PANK1: variants seen among roughly 807,000 people sequenced by gnomAD.
The protein encoded by PANK1 is pantothenate kinase 1, also known as pantothenic acid kinase 1.
Under a neutral mutation model 40.1 loss-of-function variants are expected in PANK1, and 18 were observed. The ratio of observed to expected loss-of-function variants is 0.45; its 90% confidence interval spans 0.31 to 0.67. The LOEUF (loss-of-function observed/expected upper bound fraction) is 0.67, where lower values mean the gene tolerates loss of function less well. Among genes scored for constraint, PANK1 ranks in the 30% least tolerant of loss-of-function variants. PANK1 has a pLI of 0.06. For synonymous variants in PANK1, 242 were observed against 237.7 expected (o/e 1.02, Z -0.17); for missense variants, 457 against 599.6 (o/e 0.76, Z 2.48).
rs930942262 is a variant in PANK1, at chr10:89,593,226, A to C, written c.1171T>G (p.Ser391Ala). Residue 391 changes from serine (S) to alanine (A), a missense_variant, in exon 5 of 7, where the codon TCC becomes GCC. Transcript: ENST00000307534. ...TLVTITNNIGSIARMCALNEN... is the reference protein window; with the variant it reads ...TLVTITNNIGAIARMCALNEN... Reference sequence around the variant, plus strand: ...TTCAACGCGCACATCCGAGCAATGGAGCCAATGTTGTTGGTGATGGTGACC... The same window carrying C: ...TTCAACGCGCACATCCGAGCAATGGCGCCAATGTTGTTGGTGATGGTGACC... 7.4e-6 allele frequency: 12 copies of C among 1,613,720 alleles called. No individual in the cohort carries two copies. Among genetic ancestry groups the C allele is most frequent in the Non-Finnish European group, 1.0e-5 (12 of 1,179,778 alleles).
rs761995392 is a variant in PANK1 at position 89,644,628 on chromosome 10, C to T, written c.264G>A (p.Arg88=). Residue 88 remains arginine, a synonymous_variant, in exon 1 of 7, where the codon AGG becomes AGA. Transcript: ENST00000307534. The stretch of plus-strand genomic sequence containing the variant: ...GCCTGTTCTTTCTCCCCGAGTCCAT[C>T]CTCCTCCGCAGCCGGCATTTCTTGG... ...SPAKKCRLRR[R]MDSGRKNRPP... is the part of the protein sequence containing the mutation. The T allele has an allele frequency of 5.7e-6, 9 of 1,588,018 alleles. No individual in the cohort carries two copies. Among genetic ancestry groups the T allele is most frequent in the Non-Finnish European group, 7.7e-6 (9 of 1,172,428 alleles).
At chr10:89,591,937 G>A (rs1844403906) in intron 5 of PANK1, among the ~76,000 whole-genome samples, 3 of 152,166 alleles carry the variant, frequency 2.0e-5, no homozygotes, top group Non-Finnish European at 4.4e-5. Flanking sequence ...TGCTCTGTGG[G>A]GCAAGGGTTG....
chr10:89,631,826 A>G (rs543386806), intron 1 of PANK1, among the ~76,000 whole-genome samples: 49 of 152,346 alleles, frequency 3.2e-4, no homozygotes, highest in Non-Finnish European at 5.9e-4. Context: ...GTTTTCAATT[A>G]TCCACCTACA....
At chr10:89,604,827 T>G (rs1844898564) in intron 2 of PANK1, among the ~76,000 whole-genome samples, 1 of 151,942 alleles carries the variant, frequency 6.6e-6, no homozygotes, top group Admixed American at 6.6e-5. Flanking sequence ...CTCGGCTCGC[T>G]GCAAGCTCCG....
chr10:89,587,890 C>T (rs1382042350), intron 6 of PANK1, among the ~76,000 whole-genome samples: 2 of 152,060 alleles, frequency 1.3e-5, no homozygotes, highest in African/African-American at 4.8e-5. Flanking sequence ...ATAATTAAAG[C>T]AAGCTAATTA....
At chr10:89,593,487 G>A (rs952393214) in intron 4 of PANK1, among the ~76,000 whole-genome samples, 167 bp from the exon 5 acceptor site, 10 of 151,756 alleles carry the variant, frequency 6.6e-5, no homozygotes, top group Middle Eastern at 6.8e-3. Context: ...ATGGCTGACC[G>A]CCCTTTTCTT....
At chr10:89,622,812 G>A (rs1845530621) in intron 1 of PANK1, among the ~76,000 whole-genome samples, 1 of 151,750 alleles carries the variant, frequency 6.6e-6, no homozygotes, top group South Asian at 2.1e-4. Flanking sequence ...AATCTAGCCT[G>A]GGTGACAGAG....
rs191076840 is a variant in PANK1, at chr10:89,584,505, C to G, written c.1327-40G>C. 8.7e-5 allele frequency: 113 copies of G among 1,300,134 alleles called. No individual in the cohort carries two copies. The African/African-American group carries it at 1.5e-3, about 18-fold the overall frequency. 80.5% of individuals were successfully genotyped at this position (1,300,134 alleles called of 1,614,324 possible). A position where few individuals can be genotyped will look rare whatever the true frequency, so the allele number is the denominator to read the frequency against. On this transcript the variant is annotated intron_variant, in intron 6 of 6. Transcript: ENST00000307534. Reference sequence around the variant, plus strand: ...CAAAACGATGATCTCTGAACCTTAGCCAAATATGTATTGTTTTTAATAATT... The same window carrying G: ...CAAAACGATGATCTCTGAACCTTAGGCAAATATGTATTGTTTTTAATAATT...
intron 1 of PANK1, among the ~76,000 whole-genome samples, chr10:89,632,614 A>C (rs1393971930): frequency 6.6e-6 from 1 of 152,242 alleles, no homozygotes; most frequent in Non-Finnish European, 1.5e-5. Context: ...CAAATTTATA[A>C]TTTTCCCATG....
At chr10:89,630,463 T>C (rs1841602499) in intron 1 of PANK1, among the ~76,000 whole-genome samples, 1 of 151,802 alleles carries the variant, frequency 6.6e-6, no homozygotes, top group Non-Finnish European at 1.5e-5. Flanking sequence ...GAGAACTCCC[T>C]CAAACATTAG....
At chr10:89,610,046 A>C (rs1198914429) in intron 2 of PANK1, among the ~76,000 whole-genome samples, 1 of 152,194 alleles carries the variant, frequency 6.6e-6, no homozygotes, top group East Asian at 1.9e-4. Context: ...TCTGAATCAG[A>C]ATTGAGTCCA....
Position 89,595,834 on chromosome 10 carries a change from ATATATATATATAT to A in PANK1, c.900-1858_900-1846del, listed in dbSNP as rs1390939272. Among the ~76,000 whole-genome samples the A allele has an allele frequency of 1.1e-3, 49 of 44,232 alleles. 3 individuals carry two copies. The highest frequency in any genetic ancestry group is 0.013 in the Middle Eastern group (1 of 78). The allele number at this position is 44,232 out of a possible 152,430, so 29.0% of individuals were successfully genotyped here. A position where few individuals can be genotyped will look rare whatever the true frequency, so the allele number is the denominator to read the frequency against. On this transcript the variant is annotated intron_variant, in intron 3 of 6. Transcript: ENST00000307534. ...TCCATCTTAAAAAAAAAAAAAAAAA[ATATATATATATAT>A]ATATATATATATATATATATATATA...
intron 1 of PANK1, among the ~76,000 whole-genome samples, chr10:89,614,421 G>C (rs1845256108): frequency 6.6e-6 from 1 of 152,122 alleles, no homozygotes; most frequent in Non-Finnish European, 1.5e-5. Context: ...AGGCAAATTG[G>C]AAACAAGATG....
intron 5 of PANK1, chr10:89,592,905 T>G: frequency 3.8e-6 from 2 of 528,140 alleles, no homozygotes; most frequent in Non-Finnish European, 7.4e-6. Flanking sequence ...CACATTTCAG[T>G]GGACACATGG....
chr10:89,619,294 C>T (rs1206380447), intron 1 of PANK1, among the ~76,000 whole-genome samples: 1 of 152,118 alleles, frequency 6.6e-6, no homozygotes, highest in African/African-American at 2.4e-5. Context: ...TTCTAGAATA[C>T]TCTCTGGGGG....
chr10:89,593,323 A>T lies in PANK1; in HGVS notation c.1077-3T>A, dbSNP rs764740626. 9 of 1,613,246 alleles carry T rather than the reference A, an allele frequency of 5.6e-6. No homozygotes were observed. The highest frequency in any genetic ancestry group is 6.8e-6 in the Non-Finnish European group (8 of 1,179,650). On this transcript the variant is annotated splice_region_variant and splice_polypyrimidine_tract_variant and intron_variant, in intron 4 of 6. Coordinates refer to ENST00000307534, the MANE Select transcript of PANK1 (RefSeq NM_148977.3). ...CTTTACTCATCATGTTGCCAAAGCT[A>T]TGTTGGAAATATCAGCGAGAGTGTT...
intron 3 of PANK1, among the ~76,000 whole-genome samples, chr10:89,596,838 A>G (rs772483927): frequency 1.5e-4 from 23 of 152,188 alleles, no homozygotes; most frequent in Non-Finnish European, 3.2e-4. Flanking sequence ...ATGTACTGCT[A>G]CTTTCACCAA....
intron 1 of PANK1, among the ~76,000 whole-genome samples, chr10:89,621,433 G>T (rs1845483035): frequency 6.6e-6 from 1 of 152,080 alleles, no homozygotes. Context: ...AAAATTATTT[G>T]ATAATATATT....
intron 1 of PANK1, among the ~76,000 whole-genome samples, chr10:89,613,201 TAG>T (rs1458550342): frequency 6.6e-6 from 1 of 152,228 alleles, no homozygotes; most frequent in Non-Finnish European, 1.5e-5. Flanking sequence ...ACCCAAAGGT[TAG>T]AGTCTTCCTT....
Sources: gnomAD v4.1 joint callset for allele counts (sites outside exome capture counted in the v4.1 genomes callset) on GRCh38, gnomAD v4.1.1 for gene constraint, MANE v1.5 for transcripts, NCBI Gene and HGNC (gene_info 2026-07-23, HGNC 2026-07-21) for gene names.